Variants in CHST10 observed in about 807,000 individuals in gnomAD.
CHST10 encodes the protein HNK-1 sulfotransferase.
CHST10 carries 24 observed loss-of-function variants against 34.7 expected under a neutral mutation model. That is an observed-to-expected ratio of 0.69 (90% CI 0.50 to 0.97). The LOEUF (loss-of-function observed/expected upper bound fraction) is 0.97, where lower values mean the gene tolerates loss of function less well. CHST10 is among the 50% of genes least tolerant of loss of function. The probability of loss-of-function intolerance (pLI) is 0.00; values close to 1 mark genes in which losing one functional copy is unlikely to be tolerated. For missense variants in CHST10, 402 were observed against 452.1 expected, an observed-to-expected ratio of 0.89 and a Z score of 1.00; for synonymous variants, 161 against 169.3, an observed-to-expected ratio of 0.95 and a Z score of 0.38.
At chr2:100,397,013 G>T (rs969725550) in intron 5 of CHST10, among the ~76,000 whole-genome samples, 2 of 152,136 alleles carry the variant, frequency 1.3e-5, no homozygotes, top group Non-Finnish European at 2.9e-5. Flanking sequence ...GCCAACCCCT[G>T]CGAAGGCCAA....
chr2:100,399,102 C>CTTTTTTT (rs34834152), intron 4 of CHST10, among the ~76,000 whole-genome samples: 1 of 137,658 alleles, frequency 7.3e-6, no homozygotes, highest in Non-Finnish European at 1.6e-5. Flanking sequence ...CTCTCTCTCT[C>CTTTTTTT]TTTTTTTTTT....
At chr2:100,402,093 C>T (rs972673621) in intron 4 of CHST10, among the ~76,000 whole-genome samples, 4 of 152,318 alleles carry the variant, frequency 2.6e-5, no homozygotes, top group East Asian at 1.9e-4. Context: ...CCTTGGGCTC[C>T]GCCAGGAACT....
chr2:100,394,883 C>A (rs576368337), intron 6 of CHST10, among the ~76,000 whole-genome samples: 2 of 129,928 alleles, frequency 1.5e-5, no homozygotes, highest in African/African-American at 5.0e-5. Context: ...GCCACCACAG[C>A]GGGCTATTTT....
intron 1 of CHST10, chr2:100,416,873 C>A: frequency 1.1e-6 from 1 of 896,158 alleles, no homozygotes; most frequent in South Asian, 1.4e-5. Context: ...TGCAGAACTG[C>A]ATGCCTCAAC....
At chr2:100,412,867 C>G (rs1200205809) in intron 2 of CHST10, among the ~76,000 whole-genome samples, 2 of 152,210 alleles carry the variant, frequency 1.3e-5, no homozygotes, top group African/African-American at 4.8e-5. Context: ...GCCCTCCCAT[C>G]TACGGTTAAC....
In CHST10 at chr2:100,406,650, GC is replaced by G. The variant is rs1236139701; in HGVS notation, c.25del (p.Ala9ProfsTer6). 2 of 1,614,054 alleles carry G rather than the reference GC, an allele frequency of 1.2e-6. No individual in the cohort carries two copies. Among genetic ancestry groups the G allele is most frequent in the African/African-American group, 2.7e-5 (2 of 74,926 alleles). The part of the protein sequence containing the change: MHHQWLLL[A>X]ACFWVIFMFM... ...CATGAAAATCACCCAAAAGCATGCG[GC>G]CAGCAGAAGCCACTGGTGGTGCATG... is the stretch of plus-strand genomic sequence containing the variant. On this transcript the variant is annotated frameshift_variant, in exon 3 of 7. Coordinates refer to ENST00000264249, the MANE Select transcript of CHST10 (RefSeq NM_004854.5). LOFTEE classifies it high-confidence loss of function.
chr2:100,405,326 G>A (rs1573189853), intron 3 of CHST10, among the ~76,000 whole-genome samples: 2 of 152,168 alleles, frequency 1.3e-5, no homozygotes, highest in East Asian at 3.9e-4. Context: ...AGGGCTCCTG[G>A]AGGATGAGGC....
At chr2:100,405,826 A>G (rs928842215) in intron 3 of CHST10, among the ~76,000 whole-genome samples, 29 of 152,252 alleles carry the variant, frequency 1.9e-4, no homozygotes, top group Admixed American at 5.9e-4. Context: ...TGGCCACTCA[A>G]TGAAGTGGCC....
At chr2:100,414,556 A>G (rs1264123715) in intron 2 of CHST10, among the ~76,000 whole-genome samples, 2 of 152,210 alleles carry the variant, frequency 1.3e-5, no homozygotes, top group Admixed American at 6.5e-5. Context: ...TCCATAATGC[A>G]AAGTGTGGCA....
At position 100,417,599 on chromosome 2, in the gene CHST10, CTTTGGGG is replaced by C. The variant is rs1268119202; in HGVS notation, c.-336_-330del. The C allele has an allele frequency of 1.3e-5, 2 of 151,430 alleles. No individual in the cohort carries two copies. Among genetic ancestry groups the C allele is most frequent in the African/African-American group, 4.8e-5 (2 of 41,368 alleles). The allele number at this position is 151,430 out of a possible 1,614,324, so 9.4% of individuals were successfully genotyped here. A position where few individuals can be genotyped will look rare whatever the true frequency, so the allele number is the denominator to read the frequency against. Reference sequence around the variant, plus strand: ...GAAGACGCCCGGCGCGCTAGACCGGCTTTGGGGGCCAGAACGCCGGCACCGCCTCACG... The same window carrying C: ...GAAGACGCCCGGCGCGCTAGACCGGCGCCAGAACGCCGGCACCGCCTCACG... On this transcript the variant is annotated 5_prime_UTR_variant, in exon 1 of 7. Coordinates refer to ENST00000264249, the MANE Select transcript of CHST10 (RefSeq NM_004854.5).
chr2:100,397,718 TA>T (rs1338630182), intron 5 of CHST10, among the ~76,000 whole-genome samples, 189 bp downstream of exon 5: 19 of 152,166 alleles, frequency 1.2e-4, no homozygotes, highest in African/African-American at 4.6e-4. Context: ...AATCGGTGTC[TA>T]AACGAGCCCC....
intron 5 of CHST10, 95 bp downstream of exon 5, chr2:100,397,813 G>T: frequency 1.0e-6 from 1 of 975,176 alleles, no homozygotes; most frequent in Non-Finnish European, 1.6e-6. Flanking sequence ...GGTCAAACCA[G>T]CCCTCTTGTG....
At chr2:100,399,577 A>G (rs1267187484) in intron 4 of CHST10, among the ~76,000 whole-genome samples, 1 of 152,234 alleles carries the variant, frequency 6.6e-6, no homozygotes, top group Non-Finnish European at 1.5e-5. Flanking sequence ...CCCAGGGGAC[A>G]ACGTCAGTTA....
Position 100,417,184 on chromosome 2 carries a change from G to A in CHST10, c.-104+190C>T, listed in dbSNP as rs796431702. ...TCCCGCACAAGGACGCCTTCTTATTGCATAATTAACGCGAGGAAGGCTCTT... is the reference window on the plus strand; with the variant it reads ...TCCCGCACAAGGACGCCTTCTTATTACATAATTAACGCGAGGAAGGCTCTT... On this transcript the variant is annotated intron_variant, in intron 1 of 6. Coordinates refer to ENST00000264249, the MANE Select transcript of CHST10 (RefSeq NM_004854.5). The A allele has an allele frequency of 1.3e-5, 8 of 622,852 alleles. No homozygotes were observed. In the Admixed American group the frequency reaches 1.9e-4, roughly 15 times the overall value. 38.6% of individuals were successfully genotyped at this position (622,852 alleles called of 1,614,324 possible).
At chr2:100,396,708 C>T (rs1216148680) in intron 5 of CHST10, among the ~76,000 whole-genome samples, 1 of 152,158 alleles carries the variant, frequency 6.6e-6, no homozygotes, top group African/African-American at 2.4e-5. Context: ...CTGTCCCCAT[C>T]CAGGTGCACT....
In CHST10 at chr2:100,395,544, C is replaced by A. The variant is rs774342169; in HGVS notation, c.498G>T (p.Arg166=). Residue 166 remains arginine (R), a synonymous_variant, in exon 6 of 7, where the codon CGG becomes CGT. Coordinates refer to ENST00000264249, the MANE Select transcript of CHST10 (RefSeq NM_004854.5). ...TTTCTGCATCACTGAAGGAAGAGAG[C>A]CGAGGAAGGCCGTTCTTCTCGTGGT... The part of the protein sequence containing the change: ...VHDHEKNGLP[R]LSSFSDAEIQ... 1.2e-6 allele frequency: 2 copies of A among 1,613,928 alleles called. No homozygotes were observed. The highest frequency in any genetic ancestry group is 1.7e-5 in the Admixed American group (1 of 60,010).
At chr2:100,394,011 C>T (rs1474287354) in intron 6 of CHST10, among the ~76,000 whole-genome samples, 1 of 152,180 alleles carries the variant, frequency 6.6e-6, no homozygotes, top group Non-Finnish European at 1.5e-5. Flanking sequence ...GAAAACCTTA[C>T]CTGTCCAAGG....
chr2:100,410,951 C>T (rs1675806969), intron 2 of CHST10, among the ~76,000 whole-genome samples: 3 of 151,798 alleles, frequency 2.0e-5, no homozygotes, highest in Non-Finnish European at 4.4e-5. Flanking sequence ...TGTATGATCC[C>T]ATTTGTTAAA....
intron 4 of CHST10, among the ~76,000 whole-genome samples, chr2:100,400,708 C>T (rs528250657): frequency 2.6e-5 from 4 of 152,170 alleles, no homozygotes; most frequent in African/African-American, 4.8e-5. Flanking sequence ...GACCGAGTTT[C>T]GCTCTTGTTG....
Sources: allele counts gnomAD v4.1 joint callset (sites outside exome capture counted in the v4.1 genomes callset), GRCh38; gene constraint gnomAD v4.1.1; transcripts MANE v1.5; gene names NCBI Gene and HGNC (gene_info 2026-07-23, HGNC 2026-07-21).